The following STK17A variants were observed in gnomAD, a reference collection of about 807,000 sequenced individuals.
STK17A encodes serine/threonine-protein kinase 17A.
In STK17A, 26 loss-of-function variants were observed where a neutral mutation model predicts 43.7. The observed-to-expected ratio is 0.60, with a 90% confidence interval of 0.44 to 0.83. The LOEUF (loss-of-function observed/expected upper bound fraction) is 0.83. Among genes scored for constraint, STK17A ranks in the 40% least tolerant of loss-of-function variants. The pLI is 0.00. For synonymous variants in STK17A, 191 were observed against 182.5 expected (o/e 1.05, Z -0.38); for missense variants, 476 against 511.6 (o/e 0.93, Z 0.67).
intron 3 of STK17A, among the ~76,000 whole-genome samples, chr7:43,615,737 C>T (rs1409543985): frequency 6.6e-6 from 1 of 152,164 alleles, no homozygotes; most frequent in African/African-American, 2.4e-5. Flanking sequence ...GTCGTCCAGC[C>T]ACACAGGATT....
At chr7:43,586,112 C>T (rs576294132) in intron 1 of STK17A, among the ~76,000 whole-genome samples, 1 of 151,700 alleles carries the variant, frequency 6.6e-6, no homozygotes, top group South Asian at 2.1e-4. Flanking sequence ...ACTAATTAAT[C>T]TCACGCTGAT....
rs2084613878 is a variant in STK17A, at chr7:43,626,923, G to T, written c.*2081G>T. ...AGGCCCTTCAGAATATACTTGTAAA[G>T]GTGTATTGGCATTTTTTGGTTTATA... On this transcript the variant is annotated 3_prime_UTR_variant, in exon 7 of 7. Coordinates refer to ENST00000319357, the MANE Select transcript of STK17A (RefSeq NM_004760.3). 1 of 152,128 alleles carries T rather than the reference G, an allele frequency of 6.6e-6. No homozygotes were observed. The highest frequency in any genetic ancestry group is 2.1e-4 in the South Asian group (1 of 4,822). 9.4% of individuals were successfully genotyped at this position (152,128 alleles called of 1,614,324 possible). A position where few individuals can be genotyped will look rare whatever the true frequency, so the allele number is the denominator to read the frequency against.
At chr7:43,597,319 T>C (rs1245672893) in intron 2 of STK17A, among the ~76,000 whole-genome samples, 2 of 150,996 alleles carry the variant, frequency 1.3e-5, no homozygotes, top group African/African-American at 4.9e-5. Flanking sequence ...GGAAAAAAAA[T>C]CCTAAAAAAT....
chr7:43,623,400 A>G, intron 4 of STK17A, 172 bp from the exon 5 acceptor site: 1 of 590,938 alleles, frequency 1.7e-6, no homozygotes, highest in Non-Finnish European at 2.9e-6. Flanking sequence ...AGTTAATTAC[A>G]AACATCTAGT....
intron 3 of STK17A, among the ~76,000 whole-genome samples, chr7:43,610,103 T>C (rs2082715663): frequency 2.0e-5 from 3 of 152,070 alleles, no homozygotes; most frequent in Admixed American, 1.3e-4. Context: ...TCCCAGCACT[T>C]TGGGAGGCCG....
chr7:43,597,162 A>G (rs556779843), intron 2 of STK17A, among the ~76,000 whole-genome samples: 20 of 152,322 alleles, frequency 1.3e-4, no homozygotes, highest in African/African-American at 4.3e-4. Context: ...ACACAAACAC[A>G]TGAACCTCCC....
At chr7:43,588,975 T>A (rs1056906651) in intron 1 of STK17A, among the ~76,000 whole-genome samples, 18 of 151,536 alleles carry the variant, frequency 1.2e-4, no homozygotes, top group African/African-American at 3.6e-4. Flanking sequence ...GGCAAGATGA[T>A]ATGCCACTGG....
At chr7:43,617,749 G>A (rs1383031568) in intron 3 of STK17A, among the ~76,000 whole-genome samples, 1 of 152,090 alleles carries the variant, frequency 6.6e-6, no homozygotes, top group Non-Finnish European at 1.5e-5. Context: ...TTAAGCCTTG[G>A]GTGCAGATCA....
At chr7:43,591,161 T>C (rs1357354005) in intron 1 of STK17A, among the ~76,000 whole-genome samples, 2 of 151,508 alleles carry the variant, frequency 1.3e-5, no homozygotes, top group Non-Finnish European at 3.0e-5. Context: ...ATTAGAATGA[T>C]GGAAGAGTTT....
intron 2 of STK17A, among the ~76,000 whole-genome samples, chr7:43,597,192 C>T (rs887350872): frequency 3.9e-5 from 6 of 151,984 alleles, no homozygotes; most frequent in African/African-American, 1.5e-4. Context: ...AGGGTTTGGA[C>T]CGTAATCCCA....
chr7:43,609,758 G>A (rs1272527658), intron 3 of STK17A: 2 of 152,192 alleles, frequency 1.3e-5, no homozygotes, highest in Non-Finnish European at 2.9e-5. Flanking sequence ...GGTTAGGAAG[G>A]ATGGTAACCT....
chr7:43,596,982 A>T (rs1411099115), intron 2 of STK17A, among the ~76,000 whole-genome samples: 1 of 152,172 alleles, frequency 6.6e-6, no homozygotes, highest in Non-Finnish European at 1.5e-5. Flanking sequence ...AAGCAACATA[A>T]CAAAGACCCT....
At chr7:43,616,623 C>T (rs1312808189) in intron 3 of STK17A, among the ~76,000 whole-genome samples, 3 of 152,112 alleles carry the variant, frequency 2.0e-5, no homozygotes, top group South Asian at 2.1e-4. Flanking sequence ...TCTGGCCGGG[C>T]GCGGTGGCTC....
chr7:43,608,209 G>A (rs749193924), intron 2 of STK17A, 47 bp from the exon 3 acceptor site: 15 of 1,552,526 alleles, frequency 9.7e-6, no homozygotes, highest in Middle Eastern at 1.7e-4. Context: ...GTAAGTGTTC[G>A]CCATTTCTTA....
rs957293755 is a variant in STK17A at position 43,626,755 on chromosome 7, T to C, written c.*1913T>C. The C allele has an allele frequency of 6.6e-6, 1 of 152,222 alleles. No individual in the cohort carries two copies. Among genetic ancestry groups the C allele is most frequent in the African/African-American group, 2.4e-5 (1 of 41,458 alleles). The allele number at this position is 152,222 out of a possible 1,614,324, so 9.4% of individuals were successfully genotyped here. On this transcript the variant is annotated 3_prime_UTR_variant, in exon 7 of 7. Transcript: ENST00000319357. ...AATCATTTGGGCTTTTTAAAAACCA[T>C]TTTATACTCGTAATAAATATATTTA...
intron 2 of STK17A, among the ~76,000 whole-genome samples, chr7:43,603,252 T>C (rs2082567135): frequency 6.6e-6 from 1 of 152,186 alleles, no homozygotes; most frequent in South Asian, 2.1e-4. Context: ...CAGTATGAAT[T>C]GGCCAAAAAT....
chr7:43,595,441 G>A (rs2082508761), intron 1 of STK17A, among the ~76,000 whole-genome samples: 1 of 151,830 alleles, frequency 6.6e-6, no homozygotes, highest in Non-Finnish European at 1.5e-5. Context: ...ACTACACCTG[G>A]CTAATTTTTG....
Position 43,608,254 on chromosome 7 carries a change from AG to A in STK17A, c.420-1del, listed in dbSNP as rs757360457. The A allele has an allele frequency of 6.2e-7, 1 of 1,608,288 alleles. No homozygotes were observed. Among genetic ancestry groups the A allele is most frequent in the Non-Finnish European group, 8.5e-7 (1 of 1,178,436 alleles). ...TATTACTTTAATTTTGCCCTTCTCT[AG>A]TGCTGCTGGGGGTGAAATCTTTGAC... On this transcript the variant is annotated splice_acceptor_variant, in intron 2 of 6. Transcript: ENST00000319357. LOFTEE classifies it high-confidence loss of function.
intron 2 of STK17A, among the ~76,000 whole-genome samples, chr7:43,599,851 TG>T (rs944660664): frequency 1.3e-5 from 2 of 151,770 alleles, no homozygotes; most frequent in African/African-American, 4.8e-5. Flanking sequence ...CCCCAGGGAG[TG>T]GGAGTGTAGG....
Sources: gnomAD v4.1 joint callset for allele counts (sites outside exome capture counted in the v4.1 genomes callset) on GRCh38, gnomAD v4.1.1 for gene constraint, MANE v1.5 for transcripts, NCBI Gene and HGNC (gene_info 2026-07-23, HGNC 2026-07-21) for gene names.